The following SMAD4 variants were observed in gnomAD, a reference collection of about 807,000 sequenced individuals.
SMAD4 encodes the protein MAD homolog 4.
In SMAD4, 7 loss-of-function variants were observed where a neutral mutation model predicts 63.2. The ratio of observed to expected loss-of-function variants is 0.11; its 90% CI spans 0.06 to 0.21. The LOEUF (loss-of-function observed/expected upper bound fraction) is 0.21, where lower values mean the gene tolerates loss of function less well. SMAD4 is among the 10% of genes least tolerant of loss of function. The probability of loss-of-function intolerance (pLI) is 1.00; values close to 1 mark genes in which losing one functional copy is unlikely to be tolerated. For missense variants in SMAD4, 312 were observed against 693.8 expected (o/e 0.45, Z 6.18); for synonymous variants, 215 against 235.4 (o/e 0.91, Z 0.79).
Position 51,084,214 on chromosome 18 carries a change from A to G in SMAD4, c.*5747A>G, listed in dbSNP as rs984026860. ...CCCTCCTAAGTGGTGTGTGCTTGTA[A>G]TTTTTTTTTTCAGTGAAAATGGATT... On this transcript the variant is annotated 3_prime_UTR_variant, in exon 12 of 12. Coordinates refer to ENST00000342988, the MANE Select transcript of SMAD4 (RefSeq NM_005359.6). 9 of 221,574 alleles carry G rather than the reference A, an allele frequency of 4.1e-5. No homozygotes were observed. Among genetic ancestry groups the G allele is most frequent in the African/African-American group, 1.8e-4 (8 of 44,192 alleles). 13.7% of individuals were successfully genotyped at this position (221,574 alleles called of 1,614,324 possible).
Position 51,047,713 on chromosome 18 carries a change from A to G in SMAD4, c.249+418A>G, listed in dbSNP as rs903696517. Among the ~76,000 whole-genome samples, 9 of 151,950 alleles carry G rather than the reference A, an allele frequency of 5.9e-5. No homozygotes were observed. In the East Asian group the frequency reaches 7.7e-4, roughly 13 times the overall value. The stretch of plus-strand genomic sequence containing the variant: ...AACCTCCACCTCTTGGGTTCAAGCA[A>G]TCCTCCTGCCTCAGCCTCCTAAGTA... On this transcript the variant is annotated intron_variant, in intron 2 of 11. Transcript: ENST00000342988.
intron 4 of SMAD4, chr18:51,053,636 A>G (rs918067668): frequency 6.6e-6 from 1 of 152,176 alleles, no homozygotes; most frequent in African/African-American, 2.4e-5. Flanking sequence ...AACTTGCACA[A>G]TGGATGATTA....
rs117469397 is a variant in SMAD4, at chr18:51,035,672, A to T, written c.-128+5049A>T. On this transcript the variant is annotated intron_variant, in intron 1 of 11. Transcript: ENST00000342988. ...CATTGGGCTTTTTCTGTCAGGGCTT[A>T]ATTAATACACTGTGAGACATTTGCT... 8.5e-5 allele frequency among the ~76,000 whole-genome samples: 13 copies of T among 152,232 alleles called. No individual in the cohort carries two copies. In the East Asian group the frequency reaches 2.5e-3, roughly 29 times the overall value.
chr18:51,079,953 T>C lies in SMAD4; in HGVS notation c.*1486T>C, dbSNP rs1045592037. On this transcript the variant is annotated 3_prime_UTR_variant, in exon 12 of 12. Coordinates refer to ENST00000342988, the MANE Select transcript of SMAD4 (RefSeq NM_005359.6). ...ACTTCCCCATGGACATTGTGTATCA[T>C]GTGTAGAGTTGGTTTTTTTTTTTTT... is the stretch of plus-strand genomic sequence containing the variant. 3 of 232,268 alleles carry C rather than the reference T, an allele frequency of 1.3e-5. No homozygotes were observed. In the East Asian group the frequency reaches 1.8e-4, roughly 14 times the overall value. The allele number at this position is 232,268 out of a possible 1,614,324, so 14.4% of individuals were successfully genotyped here.
chr18:51,078,464 C>A lies in SMAD4; in HGVS notation c.1656C>A (p.Asp552Glu). 6.2e-7 allele frequency: 1 copy of A among 1,612,216 alleles called. No homozygotes were observed. Among genetic ancestry groups the A allele is most frequent in the Non-Finnish European group, 8.5e-7 (1 of 1,178,384 alleles). ...TMPIADPQPLD is the reference protein window; with the variant it reads ...TMPIADPQPLE Reference sequence around the variant, plus strand: ...CGATTGCAGACCCACAACCTTTAGACTGAGGTCTTTTACCGTTGGGGCCCT... The same window carrying A: ...CGATTGCAGACCCACAACCTTTAGAATGAGGTCTTTTACCGTTGGGGCCCT... Residue 552 changes from aspartate (D) to glutamate (E), a missense_variant, in exon 12 of 12, where the codon GAC (aspartate) becomes GAA (glutamate). Coordinates refer to ENST00000342988, the MANE Select transcript of SMAD4 (RefSeq NM_005359.6).
chr18:51,080,529 A>G lies in SMAD4; in HGVS notation c.*2062A>G, dbSNP rs889338752. ...GATTTGATTAAAACCTTAATCATAC[A>G]TTGACATAATTCATTGCTTCTTTTT... On this transcript the variant is annotated 3_prime_UTR_variant, in exon 12 of 12. Coordinates refer to ENST00000342988, the MANE Select transcript of SMAD4 (RefSeq NM_005359.6). 1.4e-5 allele frequency: 3 copies of G among 211,458 alleles called. No homozygotes were observed. The highest frequency in any genetic ancestry group is 2.9e-5 in the Non-Finnish European group (3 of 104,518). 13.1% of individuals were successfully genotyped at this position (211,458 alleles called of 1,614,324 possible).
At chr18:51,038,816 G>A (rs1441052237) in intron 1 of SMAD4, among the ~76,000 whole-genome samples, 1 of 152,122 alleles carries the variant, frequency 6.6e-6, no homozygotes, top group African/African-American at 2.4e-5. Context: ...AATTTTAGTA[G>A]TTTTATTTAT....
intron 10 of SMAD4, among the ~76,000 whole-genome samples, chr18:51,068,118 C>T (rs1910213322): frequency 6.6e-6 from 1 of 152,082 alleles, no homozygotes; most frequent in Non-Finnish European, 1.5e-5. Context: ...ATAATGTAGC[C>T]CCATAGCATC....
chr18:51,049,347 CTT>C, intron 4 of SMAD4, 23 bp downstream of exon 4: 1 of 1,574,676 alleles, frequency 6.4e-7, no homozygotes. Context: ...TTTCTTACTA[CTT>C]TCTCTTTGTT....
intron 1 of SMAD4, among the ~76,000 whole-genome samples, chr18:51,043,494 A>G (rs117802437): frequency 0.019 from 2,864 of 152,328 alleles, 50 homozygotes; most frequent in Admixed American, 0.031. Flanking sequence ...CTTGCCTACC[A>G]TACTTCCATA....
At chr18:51,059,988 C>A in intron 8 of SMAD4, 72 bp downstream of exon 8, 1 of 1,145,116 alleles carries the variant, frequency 8.7e-7, no homozygotes, top group Non-Finnish European at 1.3e-6. Context: ...CAAACACAGG[C>A]TTTAATGGAA....
chr18:51,050,565 A>C (rs1909679834), intron 4 of SMAD4, among the ~76,000 whole-genome samples: 2 of 151,248 alleles, frequency 1.3e-5, no homozygotes, highest in Non-Finnish European at 2.9e-5. Flanking sequence ...AAGCTGAGGC[A>C]GGAGAATGGT....
intron 4 of SMAD4, 123 bp from the exon 5 acceptor site, chr18:51,054,658 A>G (rs760712048): frequency 8.8e-6 from 6 of 683,372 alleles, no homozygotes; most frequent in African/African-American, 1.8e-5. Flanking sequence ...AAAATTCTGA[A>G]TTAAGGTTAG....
chr18:51,074,595 G>A (rs1457360831), intron 10 of SMAD4, among the ~76,000 whole-genome samples: 1 of 152,084 alleles, frequency 6.6e-6, no homozygotes, highest in African/African-American at 2.4e-5. Flanking sequence ...CGGAAGGTTG[G>A]GTGTGGGGAC....
chr18:51,046,015 T>C (rs147932506), intron 1 of SMAD4, among the ~76,000 whole-genome samples: 1 of 152,340 alleles, frequency 6.6e-6, no homozygotes, highest in Non-Finnish European at 1.5e-5. Flanking sequence ...ATTTTATCTA[T>C]GCATTCATCA....
intron 1 of SMAD4, among the ~76,000 whole-genome samples, chr18:51,037,992 A>T (rs1206006509): frequency 2.6e-5 from 4 of 151,962 alleles, no homozygotes; most frequent in Admixed American, 6.6e-5. Flanking sequence ...GAATGTGATT[A>T]AAAAAAATAT....
chr18:51,073,008 C>G (rs1004709463), intron 10 of SMAD4, among the ~76,000 whole-genome samples: 2 of 152,002 alleles, frequency 1.3e-5, no homozygotes, highest in Non-Finnish European at 2.9e-5. Flanking sequence ...ATTAGTGAAC[C>G]TAACTGAATA....
At chr18:51,039,973 A>G (rs1418367715) in intron 1 of SMAD4, among the ~76,000 whole-genome samples, 1 of 152,170 alleles carries the variant, frequency 6.6e-6, no homozygotes, top group Non-Finnish European at 1.5e-5. Flanking sequence ...AAGAACCTCA[A>G]CTTGCTGTCT....
Position 51,078,988 on chromosome 18 carries a change from G to GT in SMAD4, c.*523dup, listed in dbSNP as rs757935348. ...ACTTTACTCTGTGTTTAAAAAGTAA[G>GT]TTAATAATGTATTGTAATCTTTCAT... On this transcript the variant is annotated 3_prime_UTR_variant, in exon 12 of 12. Transcript: ENST00000342988. 3.3e-4 allele frequency: 78 copies of GT among 234,340 alleles called. No individual in the cohort carries two copies. Among genetic ancestry groups the GT allele is most frequent in the Non-Finnish European group, 3.1e-4 (37 of 118,628 alleles). 14.5% of individuals were successfully genotyped at this position (234,340 alleles called of 1,614,324 possible). A position where few individuals can be genotyped will look rare whatever the true frequency, so the allele number is the denominator to read the frequency against.
Sources: allele counts gnomAD v4.1 joint callset (sites outside exome capture counted in the v4.1 genomes callset), GRCh38; gene constraint gnomAD v4.1.1; transcripts MANE v1.5; gene names NCBI Gene and HGNC (gene_info 2026-07-23, HGNC 2026-07-21).